The following TP53BP1 variants were observed in gnomAD, a reference collection of about 807,000 sequenced individuals.
TP53BP1 encodes the protein TP53-binding protein 1.
In TP53BP1, 61 loss-of-function variants were observed where a neutral mutation model predicts 200.8. The observed-to-expected ratio is 0.30, with a 90% CI of 0.25 to 0.38. The LOEUF (loss-of-function observed/expected upper bound fraction) is 0.38, where lower values mean the gene tolerates loss of function less well. Ranked by LOEUF, TP53BP1 falls within the 10% of genes least tolerant of loss-of-function variation. TP53BP1 has a pLI of 1.00. For missense variants in TP53BP1, 2,144 were observed against 2,371.9 expected (o/e 0.90, Z 2.00); for synonymous variants, 822 against 844.3 (o/e 0.97, Z 0.46).
chr15:43,479,458 C>T lies in TP53BP1; in HGVS notation c.727G>A (p.Val243Met). Residue 243 changes from valine to methionine, a missense_variant, in exon 7 of 28, where the codon GTG becomes ATG. Val to Met is a conservative substitution (Grantham distance 21). This residue lies in a region of TP53BP1 where 1,700 missense variants were observed against 1,710.3 expected (regional missense o/e 0.99). Transcript: ENST00000382044. The part of the protein sequence containing the change: ...IAEQSSKDIP[V>M]TAQPSKDVHV... ...ACATCCTTACTGGGCTGTGCTGTCACAGGGATGTCCTTGCTGGACTGTTCT... is the reference window on the plus strand; with the variant it reads ...ACATCCTTACTGGGCTGTGCTGTCATAGGGATGTCCTTGCTGGACTGTTCT... The T allele has an allele frequency of 6.2e-7, 1 of 1,613,878 alleles. No homozygotes were observed. The highest frequency in any genetic ancestry group is 1.1e-5 in the South Asian group (1 of 91,052).
upstream of TP53BP1, among the ~76,000 whole-genome samples, chr15:43,495,032 T>C (rs113627188): frequency 0.011 from 1,711 of 150,976 alleles, 26 homozygotes; most frequent in African/African-American, 0.039. Context: ...CTAAAAAATA[T>C]ACGAAAAAAA....
intron 4 of TP53BP1, among the ~76,000 whole-genome samples, chr15:43,481,572 T>G (rs2078967669): frequency 6.6e-6 from 1 of 151,464 alleles, no homozygotes; most frequent in African/African-American, 2.4e-5. Flanking sequence ...ATCCCAGCAC[T>G]TTGGGAGGCA....
intron 11 of TP53BP1, 97 bp downstream of exon 11, chr15:43,469,761 T>A: frequency 9.7e-7 from 1 of 1,031,290 alleles, no homozygotes; most frequent in South Asian, 1.5e-5. Context: ...AAATTATACA[T>A]TTAAAACGTG....
Position 43,406,548 on chromosome 15 carries a change from A to G in TP53BP1, c.*835T>C. 2.2e-6 allele frequency: 1 copy of G among 455,534 alleles called. No homozygotes were observed. The highest frequency in any genetic ancestry group is 1.6e-5 in the South Asian group (1 of 64,460). The allele number at this position is 455,534 out of a possible 1,614,324, so 28.2% of individuals were successfully genotyped here. A position where few individuals can be genotyped will look rare whatever the true frequency, so the allele number is the denominator to read the frequency against. On this transcript the variant is annotated 3_prime_UTR_variant, in exon 28 of 28. Transcript: ENST00000382044. Reference sequence around the variant, plus strand: ...CTCACAGCAAAGGCGAGTAGTTGTGATGGATCAAATGGCCCACAAAGCCTG... The same window carrying G: ...CTCACAGCAAAGGCGAGTAGTTGTGGTGGATCAAATGGCCCACAAAGCCTG...
intron 14 of TP53BP1, 65 bp downstream of exon 14, chr15:43,446,322 A>ATTATAATCTAG: frequency 1.6e-5 from 19 of 1,204,082 alleles, no homozygotes; most frequent in Non-Finnish European, 2.2e-5. Flanking sequence ...TTATAACTAG[A>ATTATAATCTAG]TTATAATCAA....
chr15:43,465,587 A>G (rs1472387313), intron 11 of TP53BP1, among the ~76,000 whole-genome samples: 1 of 152,156 alleles, frequency 6.6e-6, no homozygotes, highest in Non-Finnish European at 1.5e-5. Context: ...AAGAAATTAA[A>G]GAAATAAATT....
chr15:43,486,103 G>T (rs2079043565), intron 4 of TP53BP1, among the ~76,000 whole-genome samples: 2 of 151,858 alleles, frequency 1.3e-5, no homozygotes, highest in Non-Finnish European at 2.9e-5. Flanking sequence ...GAGGGCCGCG[G>T]AGGTGCCTCA....
At chr15:43,424,184 G>C (rs549476199) in intron 18 of TP53BP1, among the ~76,000 whole-genome samples, 1 of 152,024 alleles carries the variant, frequency 6.6e-6, no homozygotes, top group Non-Finnish European at 1.5e-5. Flanking sequence ...TCTTTCAGCC[G>C]AACCTCCATT....
chr15:43,474,304 G>A (rs151159224), intron 10 of TP53BP1, among the ~76,000 whole-genome samples: 153 of 152,280 alleles, frequency 1.0e-3, no homozygotes, highest in African/African-American at 3.5e-3. Flanking sequence ...CTCCAGCCTT[G>A]GCCAGCCCAG....
intron 11 of TP53BP1, among the ~76,000 whole-genome samples, chr15:43,460,615 G>T (rs543197180): frequency 5.9e-5 from 9 of 152,234 alleles, no homozygotes; most frequent in African/African-American, 9.6e-5. Flanking sequence ...AAAGCATTCT[G>T]TATATTCCAT....
rs1019610586 is a variant in TP53BP1, at chr15:43,406,468, C to G, written c.*915G>C. 2.6e-6 allele frequency: 1 copy of G among 384,122 alleles called. No individual in the cohort carries two copies. The highest frequency in any genetic ancestry group is 5.2e-6 in the Non-Finnish European group (1 of 193,852). 23.8% of individuals were successfully genotyped at this position (384,122 alleles called of 1,614,324 possible). On this transcript the variant is annotated 3_prime_UTR_variant, in exon 28 of 28. Transcript: ENST00000382044. ...TGCTGTCTGTTTTTGTACAGTTTTA[C>G]TGAAACACAGCCATGCCCATTTGTT...
chr15:43,474,184 G>A (rs1351559656), intron 10 of TP53BP1, among the ~76,000 whole-genome samples: 3 of 152,114 alleles, frequency 2.0e-5, no homozygotes, highest in African/African-American at 4.8e-5. Context: ...TGCAGGACCC[G>A]CCAAGCCCAC....
In TP53BP1 at chr15:43,488,890, G is replaced by A. The variant is rs748562851; in HGVS notation, c.371+2779C>T. ...GCCTGGGGAACAAGAGTGGGACTCC[G>A]TCTCAAAAAAAAAAGTGTTTTGAAG... is the stretch of plus-strand genomic sequence containing the variant. On this transcript the variant is annotated intron_variant, in intron 4 of 27. Coordinates refer to ENST00000382044, the MANE Select transcript of TP53BP1 (RefSeq NM_001141980.3). Among the ~76,000 whole-genome samples, 39 of 151,768 alleles carry A rather than the reference G, an allele frequency of 2.6e-4. 1 individual carries two copies. The highest frequency in any genetic ancestry group is 4.9e-4 in the Non-Finnish European group (33 of 67,900).
At chr15:43,506,580 C>T (rs1156626693) in intron 1 of TP53BP1, among the ~76,000 whole-genome samples, 1 of 152,224 alleles carries the variant, frequency 6.6e-6, no homozygotes, top group Non-Finnish European at 1.5e-5. Flanking sequence ...GGTCCTTCAT[C>T]ACAGTTCAAA....
intron 4 of TP53BP1, among the ~76,000 whole-genome samples, chr15:43,491,356 C>A (rs568130965): frequency 1.3e-5 from 2 of 152,312 alleles, no homozygotes; most frequent in South Asian, 4.1e-4. Context: ...GCTGGGATTA[C>A]AGGCATGAGC....
At position 43,407,438 on chromosome 15, in the gene TP53BP1, T is replaced by C; in HGVS notation, c.5879A>G (p.Glu1960Gly). ...EWVIQCLIVG[E>G]RIGFKQHPKY... The stretch of plus-strand genomic sequence containing the variant: ...TGGATGCTGCTTGAATCCAATTCTC[T>C]CCCCAACAATGAGGCACTGGATCAC... The change falls in exon 28 of 28, where the codon GAG becomes GGG. Residue 1960 changes from glutamate (E) to glycine (G), a missense_variant. This residue lies in a region of TP53BP1 where 334 missense variants were observed against 453.4 expected (regional missense o/e 0.74). Coordinates refer to ENST00000382044, the MANE Select transcript of TP53BP1 (RefSeq NM_001141980.3). 1 of 1,614,104 alleles carries C rather than the reference T, an allele frequency of 6.2e-7. No homozygotes were observed. The highest frequency in any genetic ancestry group is 8.5e-7 in the Non-Finnish European group (1 of 1,180,022).
intron 18 of TP53BP1, among the ~76,000 whole-genome samples, chr15:43,425,612 CCT>C (rs1338938016): frequency 2.0e-5 from 3 of 149,944 alleles, no homozygotes. Flanking sequence ...AGAGCGAGAC[CCT>C]GTCTCCAAAC....
At chr15:43,447,225 A>C in intron 13 of TP53BP1, 141 bp downstream of exon 13, 1 of 799,684 alleles carries the variant, frequency 1.3e-6, no homozygotes, top group Non-Finnish European at 2.0e-6. Context: ...TCACAGAACC[A>C]GACTTCATAA....
intron 1 of TP53BP1, among the ~76,000 whole-genome samples, chr15:43,507,336 T>C (rs2079242737): frequency 6.6e-6 from 1 of 152,200 alleles, no homozygotes; most frequent in African/African-American, 2.4e-5. Flanking sequence ...GGTTTCACCA[T>C]GTTGGCCAGG....
Sources: allele counts gnomAD v4.1 joint callset (sites outside exome capture counted in the v4.1 genomes callset), GRCh38; gene constraint gnomAD v4.1.1; regional missense constraint gnomAD v4.1.1; transcripts MANE v1.5; gene names NCBI Gene and HGNC (gene_info 2026-07-23, HGNC 2026-07-21).